The following AKAP10 variants were observed in gnomAD, a reference collection of about 807,000 sequenced individuals.
The protein encoded by AKAP10 is A-kinase anchoring protein 10, also known as A-kinase anchor protein 10, mitochondrial.
A neutral mutation model predicts 80.8 loss-of-function variants in AKAP10; 24 were observed. The observed-to-expected ratio is 0.30, with a 90% CI of 0.22 to 0.42. The LOEUF (loss-of-function observed/expected upper bound fraction) is 0.42, where lower values mean the gene tolerates loss of function less well. Among genes scored for constraint, AKAP10 ranks in the 10% least tolerant of loss-of-function variants. The pLI is 1.00. For synonymous variants in AKAP10, 291 were observed against 277.7 expected (o/e 1.05, Z -0.48); for missense variants, 661 against 794.9 (o/e 0.83, Z 2.03).
intron 3 of AKAP10, among the ~76,000 whole-genome samples, chr17:19,961,356 A>AG: frequency 6.6e-6 from 1 of 151,862 alleles, no homozygotes; most frequent in Non-Finnish European, 1.5e-5. Flanking sequence ...TGTCTCAAAA[A>AG]GAAAAAAAAA....
At chr17:19,920,303 TTTAA>T (rs2152410967) in intron 11 of AKAP10, among the ~76,000 whole-genome samples, 185 bp from the exon 12 acceptor site, 1 of 152,200 alleles carries the variant, frequency 6.6e-6, no homozygotes, top group African/African-American at 2.4e-5. Context: ...CAAGATAATC[TTTAA>T]TTGAGTGCAA....
At position 19,941,022 on chromosome 17, in the gene AKAP10, C is replaced by A. The variant is rs758946484; in HGVS notation, c.1062-12G>T. 6.3e-7 allele frequency: 1 copy of A among 1,585,520 alleles called. No individual in the cohort carries two copies. The highest frequency in any genetic ancestry group is 2.0e-5 in the Admixed American group (1 of 50,622). On this transcript the variant is annotated splice_polypyrimidine_tract_variant and intron_variant, in intron 6 of 14. Coordinates refer to ENST00000225737, the MANE Select transcript of AKAP10 (RefSeq NM_007202.4). Reference sequence around the variant, plus strand: ...ACTCACTAAAGTGCCTGCACATGGACAAAAGGGAAAATTTGAGGGAACGAC... The same window carrying A: ...ACTCACTAAAGTGCCTGCACATGGAAAAAAGGGAAAATTTGAGGGAACGAC...
intron 12 of AKAP10, among the ~76,000 whole-genome samples, chr17:19,917,802 A>G (rs1232409234): frequency 2.0e-5 from 3 of 152,098 alleles, no homozygotes; most frequent in Non-Finnish European, 4.4e-5. Flanking sequence ...AGGTGCCTAT[A>G]ATCCCAGCTA....
chr17:19,972,055 G>A (rs1399959932), intron 1 of AKAP10, among the ~76,000 whole-genome samples: 2 of 152,172 alleles, frequency 1.3e-5, no homozygotes, highest in Non-Finnish European at 2.9e-5. Flanking sequence ...GTGGTGAGCC[G>A]AGATCATGCC....
At position 19,904,784 on chromosome 17, in the gene AKAP10, A is replaced by G. The variant is rs1220764042; in HGVS notation, c.*1443T>C. On this transcript the variant is annotated 3_prime_UTR_variant, in exon 15 of 15. Transcript: ENST00000225737. Reference sequence around the variant, plus strand: ...AATTTTAAATAGAATTCATATATATATATTTTAAAATCAAACACAATTAAA... The same window carrying G: ...AATTTTAAATAGAATTCATATATATGTATTTTAAAATCAAACACAATTAAA... 1 of 152,092 alleles carries G rather than the reference A, an allele frequency of 6.6e-6. No homozygotes were observed. The highest frequency in any genetic ancestry group is 1.9e-4 in the East Asian group (1 of 5,204). The allele number at this position is 152,092 out of a possible 1,614,324, so 9.4% of individuals were successfully genotyped here.
chr17:19,921,990 A>G (rs554429068), intron 11 of AKAP10, among the ~76,000 whole-genome samples: 3 of 152,370 alleles, frequency 2.0e-5, no homozygotes, highest in East Asian at 3.9e-4. Flanking sequence ...CGTAATATCA[A>G]TTACATAAAA....
rs1555576569 is a variant in AKAP10 at position 19,946,213 on chromosome 17, A to AT, written c.976+1193dup. On this transcript the variant is annotated intron_variant, in intron 5 of 14. Transcript: ENST00000225737. The stretch of plus-strand genomic sequence containing the variant: ...ATACTAATACATATATTTTATATAT[A>AT]TATATATTTTATATATATATATATT... 1.0e-3 allele frequency among the ~76,000 whole-genome samples: 57 copies of AT among 54,660 alleles called. 8 individuals are homozygous for AT. Among genetic ancestry groups the AT allele is most frequent in the African/African-American group, 3.6e-3 (55 of 15,326 alleles). 35.9% of individuals were successfully genotyped at this position (54,660 alleles called of 152,430 possible). A position where few individuals can be genotyped will look rare whatever the true frequency, so the allele number is the denominator to read the frequency against.
chr17:19,917,999 T>C (rs1445391590), intron 12 of AKAP10, among the ~76,000 whole-genome samples: 1 of 151,762 alleles, frequency 6.6e-6, no homozygotes, highest in Non-Finnish European at 1.5e-5. Context: ...GGTGGGCAGA[T>C]TACGAGGTCA....
chr17:19,906,286 CTAT>C lies in AKAP10; in HGVS notation c.1984-57_1984-55del. 3 of 1,573,634 alleles carry C rather than the reference CTAT, an allele frequency of 1.9e-6. No homozygotes were observed. In the South Asian group the frequency reaches 3.3e-5, roughly 17 times the overall value. ...AAGGTGCATTTCTCTAACAAGTGAC[CTAT>C]TATTACAAATTAAGGATGGACACCA... On this transcript the variant is annotated intron_variant, in intron 14 of 14. Transcript: ENST00000225737.
At chr17:19,921,892 G>A (rs959579895) in intron 11 of AKAP10, among the ~76,000 whole-genome samples, 3 of 152,132 alleles carry the variant, frequency 2.0e-5, no homozygotes, top group Non-Finnish European at 4.4e-5. Flanking sequence ...GAATACTACA[G>A]TGTAGTTAAA....
chr17:19,936,212 T>C, intron 9 of AKAP10, 74 bp downstream of exon 9: 3 of 1,509,184 alleles, frequency 2.0e-6, no homozygotes, highest in Non-Finnish European at 2.7e-6. Flanking sequence ...TCTGCTTGGT[T>C]TTCCCACCTT....
chr17:19,913,534 G>A (rs182803827), intron 12 of AKAP10, among the ~76,000 whole-genome samples: 5 of 152,246 alleles, frequency 3.3e-5, no homozygotes, highest in East Asian at 1.9e-4. Flanking sequence ...TGATCCGCTC[G>A]CCTTGGCCTC....
chr17:19,920,618 G>A lies in AKAP10; in HGVS notation c.1752-500C>T, dbSNP rs142188103. Among the ~76,000 whole-genome samples the A allele has an allele frequency of 8.5e-5, 13 of 152,120 alleles. No individual in the cohort carries two copies. The East Asian group carries it at 1.2e-3, about 14-fold the overall frequency. ...AGTACTTTGGGATGCCGAGGCAGGCGGATCACTTGAGGCCAGTAGTTTGAG... is the reference window on the plus strand; with the variant it reads ...AGTACTTTGGGATGCCGAGGCAGGCAGATCACTTGAGGCCAGTAGTTTGAG... On this transcript the variant is annotated intron_variant, in intron 11 of 14. Coordinates refer to ENST00000225737, the MANE Select transcript of AKAP10 (RefSeq NM_007202.4).
intron 3 of AKAP10, 25 bp downstream of exon 3, chr17:19,962,815 T>G: frequency 6.2e-7 from 1 of 1,602,124 alleles, no homozygotes; most frequent in Non-Finnish European, 8.5e-7. Flanking sequence ...CTAATACAAG[T>G]TAATAAAAAA....
chr17:19,932,162 T>C (rs1230393891), intron 9 of AKAP10, among the ~76,000 whole-genome samples, 184 bp from the exon 10 acceptor site: 1 of 152,004 alleles, frequency 6.6e-6, no homozygotes, highest in Non-Finnish European at 1.5e-5. Flanking sequence ...AAAATTATAA[T>C]GCATAAGGCT....
At chr17:19,927,341 C>A (rs937652695) in intron 10 of AKAP10, among the ~76,000 whole-genome samples, 3 of 150,620 alleles carry the variant, frequency 2.0e-5, no homozygotes, top group African/African-American at 7.4e-5. Flanking sequence ...CTTAAAAAAA[C>A]AAACAAACAA....
At chr17:19,944,820 G>C (rs1382100352) in intron 5 of AKAP10, among the ~76,000 whole-genome samples, 6 of 152,184 alleles carry the variant, frequency 3.9e-5, no homozygotes, top group African/African-American at 1.4e-4. Context: ...GGTAGTGCAA[G>C]TATAGATTCT....
chr17:19,939,027 C>A (rs1056073165), intron 8 of AKAP10, among the ~76,000 whole-genome samples: 1 of 152,090 alleles, frequency 6.6e-6, no homozygotes, highest in Admixed American at 6.6e-5. Flanking sequence ...CCACCGTGCC[C>A]GACCACGAAT....
At chr17:19,953,011 A>AT (rs1014308651) in intron 4 of AKAP10, among the ~76,000 whole-genome samples, 3 of 152,196 alleles carry the variant, frequency 2.0e-5, no homozygotes, top group Admixed American at 6.5e-5. Flanking sequence ...ATTTTAAAAA[A>AT]TTTTTTAATG....
Sources: gnomAD v4.1 joint callset for allele counts (sites outside exome capture counted in the v4.1 genomes callset) on GRCh38, gnomAD v4.1.1 for gene constraint, MANE v1.5 for transcripts, NCBI Gene and HGNC (gene_info 2026-07-23, HGNC 2026-07-21) for gene names.